Variants in PCDH11X observed in about 807,000 individuals in gnomAD.
PCDH11X encodes the protein protocadherin-11 X-linked.
PCDH11X carries 18 observed loss-of-function variants against 53.3 expected under a neutral mutation model. The observed-to-expected ratio is 0.34, with a 90% CI of 0.23 to 0.50. PCDH11X has a LOEUF of 0.50. PCDH11X is among the 20% of genes least tolerant of loss of function. PCDH11X has a pLI of 0.98. For synonymous variants in PCDH11X, 279 were observed against 393.3 expected (o/e 0.71, Z 3.44); for missense variants, 570 against 1,032.4 (o/e 0.55, Z 6.14).
chrX:92,403,406 T>G (rs1309447044), intron 9 of PCDH11X, among the ~76,000 whole-genome samples: 2 of 93,266 alleles, frequency 2.1e-5, no homozygotes, highest in Non-Finnish European at 4.1e-5. Context: ...CTCCTGGGGG[T>G]TTAAAAATAA....
intron 6 of PCDH11X, among the ~76,000 whole-genome samples, chrX:92,175,644 C>G (rs1284552642): frequency 4.6e-5 from 5 of 107,897 alleles, no homozygotes; most frequent in African/African-American, 1.7e-4. Flanking sequence ...CATATAAATG[C>G]ATATATAGAG....
intron 6 of PCDH11X, among the ~76,000 whole-genome samples, chrX:91,934,154 G>C (rs1374160088): frequency 9.1e-6 from 1 of 110,464 alleles, no homozygotes; most frequent in Admixed American, 9.7e-5. Context: ...CTTTAAAAAT[G>C]GGCTTTGTCT....
chrX:92,029,895 G>A (rs1435196248), intron 6 of PCDH11X, among the ~76,000 whole-genome samples: 2 of 112,182 alleles, frequency 1.8e-5, no homozygotes, highest in East Asian at 2.8e-4. Context: ...GGTGTTGATT[G>A]ATATTAGAAA....
chrX:91,810,619 T>A (rs747664637), intron 3 of PCDH11X, 41 bp downstream of exon 3: 1 of 111,786 alleles, frequency 8.9e-6, no homozygotes, highest in South Asian at 3.7e-4. Context: ...GAATTAGAAA[T>A]TGCCGCATAA....
At chrX:92,130,638 G>A (rs2064954546) in intron 6 of PCDH11X, among the ~76,000 whole-genome samples, 3 of 84,549 alleles carry the variant, frequency 3.5e-5, no homozygotes, top group South Asian at 5.8e-4. Context: ...CAACAAGAGT[G>A]AAACTCTGTC....
chrX:92,287,855 T>A, intron 8 of PCDH11X: 1 of 469,237 alleles, frequency 2.1e-6, no homozygotes, highest in East Asian at 3.8e-5. Context: ...TGGGGGCATA[T>A]TTCTCCCTTG....
intron 6 of PCDH11X, among the ~76,000 whole-genome samples, chrX:91,904,861 G>A (rs1375088023): frequency 9.1e-6 from 1 of 109,825 alleles, no homozygotes; most frequent in Middle Eastern, 4.3e-3. Context: ...ACAGCCAACA[G>A]CGTAATTCAC....
chrX:92,569,596 C>T lies in PCDH11X; in HGVS notation c.3368-48668C>T, dbSNP rs1921943291. The stretch of plus-strand genomic sequence containing the variant: ...TTATTTGATGTCTTCCTTTTTTTAA[C>T]TTAACATTATACCATGAGCTCTTCC... On this transcript the variant is annotated intron_variant, in intron 10 of 10. Coordinates refer to ENST00000682573, the MANE Select transcript of PCDH11X (RefSeq NM_032968.5). Among the ~76,000 whole-genome samples, 2 of 111,270 alleles carry T rather than the reference C, an allele frequency of 1.8e-5. 1 individual carries two copies. The highest frequency in any genetic ancestry group is 7.4e-4 in the South Asian group (2 of 2,685).
intron 6 of PCDH11X, among the ~76,000 whole-genome samples, chrX:91,990,067 A>G (rs1265320381): frequency 1.8e-5 from 2 of 110,507 alleles, no homozygotes; most frequent in Non-Finnish European, 3.8e-5. Flanking sequence ...TTTCCTCTCC[A>G]GAATGGTCCT....
At chrX:92,219,300 A>C (rs1245860338) in intron 7 of PCDH11X, among the ~76,000 whole-genome samples, 1 of 110,758 alleles carries the variant, frequency 9.0e-6, no homozygotes, top group Non-Finnish European at 1.9e-5. Flanking sequence ...AGAAAACTCC[A>C]TTGTCTCAGC....
At chrX:92,385,234 A>G (rs1478468416) in intron 8 of PCDH11X, among the ~76,000 whole-genome samples, 4 of 100,298 alleles carry the variant, frequency 4.0e-5, no homozygotes, top group African/African-American at 1.5e-4. Flanking sequence ...TAGATGACTG[A>G]CAGGCTAGGT....
intron 8 of PCDH11X, among the ~76,000 whole-genome samples, chrX:92,269,448 C>T (rs1285015696): frequency 8.9e-6 from 1 of 111,772 alleles, no homozygotes; most frequent in Non-Finnish European, 1.9e-5. Context: ...TCTTTCTATC[C>T]CATGCTTTGA....
chrX:91,860,198 A>G (rs998420573), intron 5 of PCDH11X, among the ~76,000 whole-genome samples: 1 of 109,342 alleles, frequency 9.1e-6, no homozygotes, highest in African/African-American at 3.3e-5. Flanking sequence ...TGTTAGCTGA[A>G]TTCCTAGGTA....
intron 8 of PCDH11X, among the ~76,000 whole-genome samples, chrX:92,275,592 A>C (rs2068068595): frequency 9.0e-6 from 1 of 111,655 alleles, no homozygotes; most frequent in Admixed American, 9.5e-5. Context: ...GGAGCTATTG[A>C]GGATAGGAGA....
intron 6 of PCDH11X, among the ~76,000 whole-genome samples, chrX:92,132,649 A>ACATG (rs2065007276): frequency 1.7e-5 from 1 of 58,676 alleles, no homozygotes; most frequent in Non-Finnish European, 2.8e-5. Flanking sequence ...ATATATATAT[A>ACATG]TATATATGTA....
At chrX:92,147,843 CTTTCTTTCTTTT>C (rs2065307174) in intron 6 of PCDH11X, among the ~76,000 whole-genome samples, 1 of 97,573 alleles carries the variant, frequency 1.0e-5, no homozygotes, top group African/African-American at 4.0e-5. Context: ...TTCTTTCTTT[CTTTCTTTCTTTT>C]TTCTTTTCTC....
intron 10 of PCDH11X, among the ~76,000 whole-genome samples, chrX:92,522,243 G>A (rs186568270): frequency 2.2e-3 from 245 of 111,211 alleles, no homozygotes; most frequent in African/African-American, 7.5e-3. Flanking sequence ...ACTTGAACAC[G>A]TAAGATGCCA....
intron 9 of PCDH11X, among the ~76,000 whole-genome samples, chrX:92,406,042 C>A (rs1286340591): frequency 4.2e-5 from 4 of 96,215 alleles, no homozygotes; most frequent in Non-Finnish European, 8.2e-5. Flanking sequence ...TTGCAGTGAG[C>A]CGAGATCTAT....
chrX:92,210,897 A>G (rs991460812), intron 7 of PCDH11X, among the ~76,000 whole-genome samples: 21 of 111,820 alleles, frequency 1.9e-4, no homozygotes, highest in Admixed American at 2.9e-4. Flanking sequence ...TTCATTGTTC[A>G]TATAACTATC....
Sources: gnomAD v4.1 joint callset for allele counts (sites outside exome capture counted in the v4.1 genomes callset) on GRCh38, gnomAD v4.1.1 for gene constraint, MANE v1.5 for transcripts, NCBI Gene and HGNC (gene_info 2026-07-23, HGNC 2026-07-21) for gene names.